KCNQ4: variants seen among roughly 807,000 people sequenced by gnomAD.
KCNQ4 encodes potassium voltage-gated channel subfamily Q member 4, also known as potassium voltage-gated channel subfamily KQT member 4.
KCNQ4 carries 31 observed loss-of-function variants against 72.6 expected under a neutral mutation model. That is an observed-to-expected ratio of 0.43 (90% CI 0.32 to 0.58). The LOEUF is 0.58. Among genes scored for constraint, KCNQ4 ranks in the 20% least tolerant of loss-of-function variants. The probability of loss-of-function intolerance (pLI) is 0.08; values close to 1 mark genes in which losing one functional copy is unlikely to be tolerated. For synonymous variants in KCNQ4, 405 were observed against 403.7 expected (o/e 1.00, Z -0.04); for missense variants, 869 against 962.6 (o/e 0.90, Z 1.29).
At position 40,818,801 on chromosome 1, in the gene KCNQ4, C is replaced by T. The variant is rs116688226; in HGVS notation, c.708+121C>T. On this transcript the variant is annotated intron_variant, in intron 4 of 13. Coordinates refer to ENST00000347132, the MANE Select transcript of KCNQ4 (RefSeq NM_004700.4). ...CCGTGCTGGGAAGGGGTGTGGCCTG[C>T]GGGGGTTGGAGCCCTAGCAGGAGGC... The T allele has an allele frequency of 0.062, 70,052 of 1,138,736 alleles. 2,494 individuals carry two copies. Among genetic ancestry groups the T allele is most frequent in the Non-Finnish European group, 0.074 (58,550 of 795,508 alleles). 70.5% of individuals were successfully genotyped at this position (1,138,736 alleles called of 1,614,324 possible).
At chr1:40,809,989 C>T (rs1484932286) in intron 1 of KCNQ4, among the ~76,000 whole-genome samples, 4 of 151,932 alleles carry the variant, frequency 2.6e-5, no homozygotes, top group Admixed American at 6.6e-5. Flanking sequence ...CTCTTGAACC[C>T]AGGAGGCGGA....
At chr1:40,816,843 CCTT>C (rs1471993700) in intron 1 of KCNQ4, among the ~76,000 whole-genome samples, 1 of 152,234 alleles carries the variant, frequency 6.6e-6, no homozygotes, top group African/African-American at 2.4e-5. Flanking sequence ...GAAGGTCCCT[CCTT>C]CATCCGCTGA....
intron 1 of KCNQ4, among the ~76,000 whole-genome samples, chr1:40,812,781 CTCT>C (rs1647966244): frequency 6.6e-6 from 1 of 152,154 alleles, no homozygotes; most frequent in Non-Finnish European, 1.5e-5. Context: ...CTTTGGGGAC[CTCT>C]TCAGTGGGTA....
rs1403617885 is a variant in KCNQ4 at position 40,838,888 on chromosome 1, A to G, written c.*365A>G. ...CTGGGCCCTGACCCAGCTTCCAGCT[A>G]TGCAAGGTGAGGTCTCTGGCCCACC... On this transcript the variant is annotated 3_prime_UTR_variant, in exon 14 of 14. Coordinates refer to ENST00000347132, the MANE Select transcript of KCNQ4 (RefSeq NM_004700.4). 2.1e-5 allele frequency: 8 copies of G among 377,178 alleles called. No homozygotes were observed. Among genetic ancestry groups the G allele is most frequent in the Non-Finnish European group, 2.0e-5 (4 of 198,498 alleles). 23.4% of individuals were successfully genotyped at this position (377,178 alleles called of 1,614,324 possible).
In KCNQ4 at chr1:40,817,015, CCT is replaced by C. The variant is rs1648105413; in HGVS notation, c.315-245_315-244del. 6.6e-6 allele frequency among the ~76,000 whole-genome samples: 1 copy of C among 152,244 alleles called. No individual in the cohort carries two copies. Among genetic ancestry groups the C allele is most frequent in the Non-Finnish European group, 1.5e-5 (1 of 68,044 alleles). ...CCTGCTACTCACAGATGAGTGACTA[CCT>C]CTCTGAGCTGCAGCCTGCAGCAGGG... is the stretch of plus-strand genomic sequence containing the variant. On this transcript the variant is annotated intron_variant, in intron 1 of 13. Transcript: ENST00000347132. This position sits in a 1 kb window ranked among gnomAD's most constrained non-coding sequence, Gnocchi z 5.5.
In KCNQ4 at chr1:40,788,379, T is replaced by C. The variant is rs1298513974; in HGVS notation, c.314+3972T>C. Among the ~76,000 whole-genome samples, 1 of 152,194 alleles carries C rather than the reference T, an allele frequency of 6.6e-6. No individual in the cohort carries two copies. The highest frequency in any genetic ancestry group is 1.5e-5 in the Non-Finnish European group (1 of 68,036). On this transcript the variant is annotated intron_variant, in intron 1 of 13. Transcript: ENST00000347132. This position sits in a 1 kb window ranked among gnomAD's most constrained non-coding sequence, Gnocchi z 4.5. ...CTCCTGCTTCCTTGTCCAGGACTGT[T>C]CGCTCCGTTCCTAGTGGCCACCGGG... is the stretch of plus-strand genomic sequence containing the variant.
rs754732363 is a variant in KCNQ4 at position 40,822,416 on chromosome 1, GGGGTGGGGGT to G, written c.1130+24_1130+33del. 9.5e-6 allele frequency: 14 copies of G among 1,470,718 alleles called. No individual in the cohort carries two copies. The highest frequency in any genetic ancestry group is 1.2e-5 in the Non-Finnish European group (13 of 1,055,384). The allele number at this position is 1,470,718 out of a possible 1,614,324, so 91.1% of individuals were successfully genotyped here. On this transcript the variant is annotated intron_variant, in intron 8 of 13. Transcript: ENST00000347132. Reference sequence around the variant, plus strand: ...CCCATCCTTCAGGTAGGTCCTGCTGGGGGTGGGGGTGGGTGGGGGGCTGGCAGCAATGCCC... The same window carrying G: ...CCCATCCTTCAGGTAGGTCCTGCTGGGGGTGGGGGGCTGGCAGCAATGCCC...
Position 40,818,222 on chromosome 1 carries a change from G to A in KCNQ4, c.464G>A (p.Gly155Glu). 1 of 1,613,858 alleles carries A rather than the reference G, an allele frequency of 6.2e-7. No homozygotes were observed. Among genetic ancestry groups the A allele is most frequent in the Non-Finnish European group, 8.5e-7 (1 of 1,180,032 alleles). The change falls in exon 3 of 14, where the codon GGA (glycine) becomes GAA (glutamate). Residue 155 changes from glycine to glutamate, a missense_variant. Gly to Glu is a moderately conservative substitution (Grantham distance 98, BLOSUM62 -2). Transcript: ENST00000347132. ...LEYIVRVWSA[G>E]CCCRYRGWQG... ...TACATCGTCCGGGTCTGGTCCGCCG[G>A]ATGCTGCTGCCGCTACCGAGGATGG...
intron 9 of KCNQ4, among the ~76,000 whole-genome samples, chr1:40,830,526 G>A (rs1288964692): frequency 6.6e-6 from 1 of 152,122 alleles, no homozygotes; most frequent in African/African-American, 2.4e-5. Context: ...ACACACACCA[G>A]TGCCTGTACA....
chr1:40,821,745 G>C (rs1648300598), intron 7 of KCNQ4, among the ~76,000 whole-genome samples: 1 of 152,212 alleles, frequency 6.6e-6, no homozygotes, highest in African/African-American at 2.4e-5. Context: ...CGGTAACAAA[G>C]ACACAGCTTG....
At chr1:40,828,719 G>A (rs975130634) in intron 9 of KCNQ4, among the ~76,000 whole-genome samples, 4 of 152,202 alleles carry the variant, frequency 2.6e-5, no homozygotes, top group African/African-American at 9.6e-5. Flanking sequence ...CGTTCTGGGA[G>A]CCTGGGAGGG....
chr1:40,794,970 C>T lies in KCNQ4; in HGVS notation c.314+10563C>T, dbSNP rs987762270. Among the ~76,000 whole-genome samples the T allele has an allele frequency of 0.01, 13 of 1,258 alleles. No individual in the cohort carries two copies. Among genetic ancestry groups the T allele is most frequent in the East Asian group, 0.05 (3 of 60 alleles). 0.8% of individuals were successfully genotyped at this position (1,258 alleles called of 152,430 possible). ...GGCTCTTTCCTAAGATTGGGTTGGG[C>T]GGGTGGGGGGGTGGGGGGCAGATCA... On this transcript the variant is annotated intron_variant, in intron 1 of 13. Transcript: ENST00000347132. This position sits in a 1 kb window ranked among gnomAD's most constrained non-coding sequence, Gnocchi z 4.2.
chr1:40,806,899 G>A (rs1004612347), intron 1 of KCNQ4, among the ~76,000 whole-genome samples: 4 of 152,118 alleles, frequency 2.6e-5, no homozygotes, highest in African/African-American at 9.7e-5. Flanking sequence ...GCCCTTCTTG[G>A]GTCAGTCTCC....
intron 5 of KCNQ4, among the ~76,000 whole-genome samples, 198 bp from the exon 6 acceptor site, chr1:40,819,677 G>A (rs1247384920): frequency 1.4e-5 from 2 of 148,072 alleles, no homozygotes; most frequent in African/African-American, 2.5e-5. Context: ...AGCTAGCCCC[G>A]CACATCAAGA....
rs551509351 is a variant in KCNQ4 at position 40,824,168 on chromosome 1, G to A, written c.1202G>A (p.Arg401Gln). ...NGGLRPLEVR[R>Q]APVPDGAPSR... ...GGCCTACGGCCCCTGGAGGTGCGGC[G>A]GGCGCCGGTACCCGACGGAGCACCC... The change falls in exon 9 of 14, where the codon CGG becomes CAG. Residue 401 changes from arginine to glutamine, a missense_variant. By Grantham distance (43) the Arg-to-Gln change is conservative. This residue lies in a region of KCNQ4 where 480 missense variants were observed against 501.9 expected (regional missense o/e 0.96). Transcript: ENST00000347132. 3.6e-5 allele frequency: 56 copies of A among 1,558,110 alleles called. No homozygotes were observed. Among genetic ancestry groups the A allele is most frequent in the Non-Finnish European group, 4.3e-5 (50 of 1,151,834 alleles).
In KCNQ4 at chr1:40,838,458, G is replaced by A. The variant is rs1202563907; in HGVS notation, c.2023G>A (p.Glu675Lys). ...TSDYHSPVDH[E>K]DISVSAQTLS... ...CGACTACCACAGCCCTGTGGACCACGAGGACATCTCCGTCTCCGCACAGAC... is the reference window on the plus strand; with the variant it reads ...CGACTACCACAGCCCTGTGGACCACAAGGACATCTCCGTCTCCGCACAGAC... The change falls in exon 14 of 14, where the codon GAG becomes AAG. Residue 675 changes from glutamate (E) to lysine (K), a missense_variant. Around this residue, in one of 5 missense-constraint regions of KCNQ4, gnomAD observed 480 missense variants for 501.9 expected, o/e 0.96. Coordinates refer to ENST00000347132, the MANE Select transcript of KCNQ4 (RefSeq NM_004700.4). 4 of 1,614,048 alleles carry A rather than the reference G, an allele frequency of 2.5e-6. No individual in the cohort carries two copies. The highest frequency in any genetic ancestry group is 3.4e-6 in the Non-Finnish European group (4 of 1,179,996).
At chr1:40,831,897 A>T (rs913777980) in intron 10 of KCNQ4, among the ~76,000 whole-genome samples, 7 of 152,172 alleles carry the variant, frequency 4.6e-5, no homozygotes, top group African/African-American at 1.7e-4. Flanking sequence ...CACTTTACAG[A>T]CGTGGGCACT....
intron 1 of KCNQ4, among the ~76,000 whole-genome samples, chr1:40,811,835 G>C (rs1647936131): frequency 6.6e-6 from 1 of 152,206 alleles, no homozygotes; most frequent in Non-Finnish European, 1.5e-5. Context: ...CGCTAGTCTG[G>C]CCTGTCTGCT....
intron 1 of KCNQ4, among the ~76,000 whole-genome samples, chr1:40,807,167 G>A (rs1484793321): frequency 6.6e-6 from 1 of 152,174 alleles, no homozygotes; most frequent in African/African-American, 2.4e-5. Flanking sequence ...CTCCAAGAGG[G>A]GGCATTTTTT....
Sources: allele counts gnomAD v4.1 joint callset (sites outside exome capture counted in the v4.1 genomes callset), GRCh38; gene constraint gnomAD v4.1.1; regional missense constraint gnomAD v4.1.1; non-coding constraint Gnocchi (gnomAD v3.1); transcripts MANE v1.5; gene names NCBI Gene and HGNC (gene_info 2026-07-23, HGNC 2026-07-21).